The following GPR35 variants were observed in gnomAD, a reference collection of about 807,000 sequenced individuals.
GPR35 encodes the protein G protein-coupled receptor 35, also known as KYNA receptor.
For missense variants in GPR35, 372 were observed against 422.5 expected, an observed-to-expected ratio of 0.88 and a Z score of 1.05; for synonymous variants, 207 against 198.4, an observed-to-expected ratio of 1.04 and a Z score of -0.36.
At chr2:240,612,663 C>T (rs1212937528) in intron 2 of GPR35, among the ~76,000 whole-genome samples, 2 of 152,344 alleles carry the variant, frequency 1.3e-5, no homozygotes, top group East Asian at 3.9e-4. Flanking sequence ...GGGAACTTCT[C>T]TTTCAGAGGA....
chr2:240,620,988 C>T (rs957964464), upstream of GPR35, among the ~76,000 whole-genome samples: 14 of 152,320 alleles, frequency 9.2e-5, no homozygotes, highest in Middle Eastern at 3.4e-3. Flanking sequence ...AGGGGAGTTT[C>T]CCAGCAGGAC....
At position 240,632,169 on chromosome 2, in the gene GPR35, G is replaced by A. The variant is rs550621992; in HGVS notation, c.*1287G>A. ...GTCCCATGTCCGGGAGGGTCCATAC[G>A]CAAGGGTGTCCATGCCTGGTTGGGG... On this transcript the variant is annotated 3_prime_UTR_variant, in exon 2 of 2. Transcript: ENST00000407714. 3.6e-5 allele frequency among the ~76,000 whole-genome samples: 5 copies of A among 140,018 alleles called. No homozygotes were observed. The highest frequency in any genetic ancestry group is 7.0e-5 in the Admixed American group (1 of 14,196). 91.9% of individuals were successfully genotyped at this position (140,018 alleles called of 152,430 possible).
At chr2:240,619,360 C>T (rs950060766) in intron 5 of GPR35, among the ~76,000 whole-genome samples, 4 of 152,238 alleles carry the variant, frequency 2.6e-5, no homozygotes, top group South Asian at 2.1e-4. Context: ...CCTCTGTGAG[C>T]GTCTACTCCC....
intron 5 of GPR35, among the ~76,000 whole-genome samples, chr2:240,619,794 C>T (rs919259123): frequency 3.3e-5 from 5 of 152,230 alleles, no homozygotes; most frequent in Admixed American, 2.0e-4. Flanking sequence ...GGCTGGCAGG[C>T]GGCCTCAGGC....
upstream of GPR35, among the ~76,000 whole-genome samples, chr2:240,623,349 G>A (rs1000800408): frequency 5.7e-5 from 8 of 140,468 alleles, no homozygotes; most frequent in African/African-American, 1.3e-4. Flanking sequence ...TCGTGAGGGC[G>A]CAAACAGGTC....
intron 2 of GPR35, among the ~76,000 whole-genome samples, chr2:240,614,186 T>A (rs1187316774): frequency 6.6e-6 from 1 of 151,850 alleles, no homozygotes; most frequent in Non-Finnish European, 1.5e-5. Context: ...ACCCTAATCC[T>A]AAGTCTCATG....
Position 240,630,987 on chromosome 2 carries a change from A to T in GPR35, c.*105A>T. The T allele has an allele frequency of 1.1e-6, 1 of 918,462 alleles. No homozygotes were observed. The highest frequency in any genetic ancestry group is 1.7e-6 in the Non-Finnish European group (1 of 588,800). The allele number at this position is 918,462 out of a possible 1,614,324, so 56.9% of individuals were successfully genotyped here. On this transcript the variant is annotated 3_prime_UTR_variant, in exon 2 of 2. Transcript: ENST00000407714. ...GCAAGGAGCCCGAGATCAGCCCTGA[A>T]CTCACTGTGTATTCTCTTGGAGCCT...
At chr2:240,606,103 G>A (rs2043132523) in intron 1 of GPR35, among the ~76,000 whole-genome samples, 1 of 152,172 alleles carries the variant, frequency 6.6e-6, no homozygotes, top group Non-Finnish European at 1.5e-5. Context: ...GTCCCCAGCA[G>A]GTATAGCCAG....
intron 2 of GPR35, among the ~76,000 whole-genome samples, chr2:240,608,148 T>A (rs2043154903): frequency 6.6e-6 from 1 of 152,188 alleles, no homozygotes; most frequent in African/African-American, 2.4e-5. Flanking sequence ...CACTTCAGCC[T>A]CCCCACATGT....
At chr2:240,614,950 G>A (rs2043224606) in intron 2 of GPR35, among the ~76,000 whole-genome samples, 1 of 152,072 alleles carries the variant, frequency 6.6e-6, no homozygotes, top group African/African-American at 2.4e-5. Context: ...GTGTATGCAT[G>A]TTTATGTGTG....
intron 2 of GPR35, among the ~76,000 whole-genome samples, chr2:240,610,743 T>C (rs538788144): frequency 1.3e-5 from 2 of 151,646 alleles, no homozygotes; most frequent in East Asian, 3.9e-4. Flanking sequence ...CAAGTGATTC[T>C]CCTGCCTCAG....
At chr2:240,628,021 C>T (rs1354317983) in intron 1 of GPR35, 4 of 151,710 alleles carry the variant, frequency 2.6e-5, no homozygotes, top group Non-Finnish European at 5.9e-5. Context: ...CAGACCCCCT[C>T]CCCCTCCAGG....
chr2:240,609,989 T>C (rs2043167346), intron 2 of GPR35, among the ~76,000 whole-genome samples: 1 of 151,916 alleles, frequency 6.6e-6, no homozygotes, highest in Non-Finnish European at 1.5e-5. Context: ...AGATGGAGTC[T>C]CGCTCTGTCA....
At chr2:240,612,895 C>T (rs369981118) in intron 2 of GPR35, among the ~76,000 whole-genome samples, 10 of 152,320 alleles carry the variant, frequency 6.6e-5, no homozygotes, top group African/African-American at 2.4e-4. Flanking sequence ...CAGAATTCTG[C>T]GATTGGAGCT....
At position 240,612,943 on chromosome 2, in the gene GPR35, G is replaced by A. The variant is rs115490875; in HGVS notation, c.-576-3445G>A. 6.1e-3 allele frequency among the ~76,000 whole-genome samples: 934 copies of A among 152,342 alleles called. 3 individuals are homozygous for A. The highest frequency in any genetic ancestry group is 9.8e-3 in the Non-Finnish European group (669 of 68,028). ...TCACTGTCCCCGACCTCCCAGGGGC[G>A]CGGACATAACCCAGCCTCAGCTGCA... On this transcript the variant is annotated intron_variant, in intron 2 of 5. Coordinates refer to the GPR35 transcript ENST00000319838.
chr2:240,623,017 C>T (rs11887490), upstream of GPR35, among the ~76,000 whole-genome samples: 1,375 of 151,958 alleles, frequency 9.0e-3, 24 homozygotes, highest in African/African-American at 0.032. Flanking sequence ...CGGGTGTCCT[C>T]GAAGAAGGGC....
upstream of GPR35, among the ~76,000 whole-genome samples, chr2:240,623,493 G>GTGAGGGCGCAAACAGGTCA (rs2043331187): frequency 1.5e-5 from 2 of 137,028 alleles, no homozygotes; most frequent in African/African-American, 2.7e-5. Flanking sequence ...CAAACAGGTC[G>GTGAGGGCGCAAACAGGTCA]TGAGGGTGCA....
rs889535654 is a variant in GPR35 at position 240,632,024 on chromosome 2, A to G, written c.*1142A>G. 5.4e-4 allele frequency among the ~76,000 whole-genome samples: 33 copies of G among 61,532 alleles called. No homozygotes were observed. The highest frequency in any genetic ancestry group is 8.7e-4 in the Admixed American group (6 of 6,876). The allele number at this position is 61,532 out of a possible 152,430, so 40.4% of individuals were successfully genotyped here. On this transcript the variant is annotated 3_prime_UTR_variant, in exon 2 of 2. Transcript: ENST00000407714. ...GAGCCCCATAAGGGCTCTGTGCCTAAAAGGGTGCATGCCCAGGTGGGCCCA... is the reference window on the plus strand; with the variant it reads ...GAGCCCCATAAGGGCTCTGTGCCTAGAAGGGTGCATGCCCAGGTGGGCCCA...
chr2:240,619,324 G>T (rs867585138), intron 5 of GPR35, among the ~76,000 whole-genome samples: 1 of 152,152 alleles, frequency 6.6e-6, no homozygotes, highest in Admixed American at 6.5e-5. Flanking sequence ...GCATCGTTTC[G>T]TATCTTTAAG....
Sources: allele counts gnomAD v4.1 joint callset (sites outside exome capture counted in the v4.1 genomes callset), GRCh38; gene constraint gnomAD v4.1.1; transcripts MANE v1.5; gene names NCBI Gene and HGNC (gene_info 2026-07-23, HGNC 2026-07-21).